The following PARD3B variants were observed in gnomAD, a reference collection of about 807,000 sequenced individuals.
PARD3B encodes par-3 family cell polarity regulator beta.
In PARD3B, 103 loss-of-function variants were observed where a neutral mutation model predicts 130.2. The ratio of observed to expected loss-of-function variants is 0.79; its 90% CI spans 0.67 to 0.93. The LOEUF (loss-of-function observed/expected upper bound fraction) is 0.93. PARD3B is among the 40% of genes least tolerant of loss of function. The pLI is 0.00. For synonymous variants in PARD3B, 583 were observed against 553.2 expected (o/e 1.05, Z -0.76); for missense variants, 1,609 against 1,499.2 (o/e 1.07, Z -1.21).
intron 20 of PARD3B, among the ~76,000 whole-genome samples, chr2:205,466,686 T>C (rs1453022490): frequency 1.3e-5 from 2 of 152,234 alleles, no homozygotes; most frequent in African/African-American, 4.8e-5. Flanking sequence ...TACTTTACCC[T>C]AATATGTGTG....
At chr2:205,106,476 AATGT>A (rs1408164419) in intron 5 of PARD3B, among the ~76,000 whole-genome samples, 8 of 139,214 alleles carry the variant, frequency 5.7e-5, no homozygotes, top group Non-Finnish European at 1.1e-4. Flanking sequence ...TTAGTTAAGA[AATGT>A]ATGTGTGTGT....
intron 15 of PARD3B, among the ~76,000 whole-genome samples, chr2:205,213,259 A>G (rs995152100): frequency 5.9e-5 from 9 of 152,088 alleles, no homozygotes; most frequent in African/African-American, 2.2e-4. Context: ...TAAAGCAGTA[A>G]CTATTGGTTA....
chr2:204,851,170 C>G (rs527870054), intron 2 of PARD3B, among the ~76,000 whole-genome samples: 5 of 152,216 alleles, frequency 3.3e-5, no homozygotes, highest in African/African-American at 1.2e-4. Flanking sequence ...CATTATTTCC[C>G]ATTTATTAAC....
At chr2:205,322,681 G>A (rs186216604) in intron 18 of PARD3B, among the ~76,000 whole-genome samples, 2 of 152,104 alleles carry the variant, frequency 1.3e-5, no homozygotes, top group Non-Finnish European at 2.9e-5. Flanking sequence ...GAGTAGTAAC[G>A]TTCTACAGAA....
In PARD3B at chr2:204,668,982, C is replaced by A. The variant is rs2036155716; in HGVS notation, c.121-17199C>A. Among the ~76,000 whole-genome samples, 6 of 152,216 alleles carry A rather than the reference C, an allele frequency of 3.9e-5. No individual in the cohort carries two copies. The South Asian group carries it at 1.2e-3, about 32-fold the overall frequency. The stretch of plus-strand genomic sequence containing the variant: ...AAGAGCTAAAGAATGTGGGCAACCT[C>A]TTCAGAAGGTAGAAAAAGCAAGTTA... On this transcript the variant is annotated intron_variant, in intron 1 of 22. Coordinates refer to ENST00000406610, the MANE Select transcript of PARD3B (RefSeq NM_001302769.2).
chr2:205,120,561 A>T (rs1575846252), intron 7 of PARD3B, among the ~76,000 whole-genome samples: 1 of 152,152 alleles, frequency 6.6e-6, no homozygotes, highest in Non-Finnish European at 1.5e-5. Context: ...ATTAACATTA[A>T]TTTTTCCTAG....
In PARD3B at chr2:205,121,883, C is replaced by T. The variant is rs752693655; in HGVS notation, c.1099C>T (p.Leu367Phe). 6.2e-6 allele frequency: 10 copies of T among 1,613,884 alleles called. No homozygotes were observed. The highest frequency in any genetic ancestry group is 1.6e-4 in the Middle Eastern group (1 of 6,084). Residue 367 changes from leucine to phenylalanine, a missense_variant, in exon 8 of 23, where the codon CTC (leucine) becomes TTC (phenylalanine). Transcript: ENST00000406610. The surrounding 1 kb of genome is among the most constrained non-coding windows in gnomAD (Gnocchi z 5.0). ...RLGGKPSSPSLSPLMGFGSNK... is the reference protein window; with the variant it reads ...RLGGKPSSPSFSPLMGFGSNK... ...GGGAGGAAAACCATCCTCTCCCTCACTCTCGCCTCTCATGGGATTTGGCAG... is the reference window on the plus strand; with the variant it reads ...GGGAGGAAAACCATCCTCTCCCTCATTCTCGCCTCTCATGGGATTTGGCAG...
chr2:204,790,922 T>C (rs2042178613), intron 2 of PARD3B, among the ~76,000 whole-genome samples: 1 of 151,884 alleles, frequency 6.6e-6, no homozygotes, highest in African/African-American at 2.4e-5. Context: ...CGGGCCAACA[T>C]GGTGAAACCC....
In PARD3B at chr2:204,648,719, A is replaced by AAAGC. The variant is rs1165420618; in HGVS notation, c.121-37462_121-37461insAAGC. Among the ~76,000 whole-genome samples, 22 of 74,978 alleles carry AAAGC rather than the reference A, an allele frequency of 2.9e-4. No individual in the cohort carries two copies. The East Asian group carries it at 6.6e-3, about 23-fold the overall frequency. 49.2% of individuals were successfully genotyped at this position (74,978 alleles called of 152,430 possible). The stretch of plus-strand genomic sequence containing the variant: ...AATATATATCATATAAATAATATAT[A>AAAGC]TTTATAATAGATATCATATAAATAA... On this transcript the variant is annotated intron_variant, in intron 1 of 22. Coordinates refer to ENST00000406610, the MANE Select transcript of PARD3B (RefSeq NM_001302769.2).
In PARD3B at chr2:204,548,381, A is replaced by ATG. The variant is rs554205977; in HGVS notation, c.120+2263_120+2264dup. On this transcript the variant is annotated intron_variant, in intron 1 of 22. Coordinates refer to ENST00000406610, the MANE Select transcript of PARD3B (RefSeq NM_001302769.2). ...GTGCAGGCCCTGTTTTAGGAACTTC[A>ATG]TGCTTATGACTTATTTCTCCCAACA... is the stretch of plus-strand genomic sequence containing the variant. 1.9e-3 allele frequency among the ~76,000 whole-genome samples: 282 copies of ATG among 152,314 alleles called. 2 individuals carry two copies. The highest frequency in any genetic ancestry group is 6.5e-3 in the African/African-American group (269 of 41,580).
chr2:204,878,017 C>T (rs2045907402), intron 2 of PARD3B, among the ~76,000 whole-genome samples: 1 of 152,186 alleles, frequency 6.6e-6, no homozygotes, highest in South Asian at 2.1e-4. Context: ...CTCTGCCCTT[C>T]ATTATCACTA....
At chr2:204,714,059 A>G (rs1426142593) in intron 2 of PARD3B, among the ~76,000 whole-genome samples, 1 of 152,266 alleles carries the variant, frequency 6.6e-6, no homozygotes, top group Non-Finnish European at 1.5e-5. Flanking sequence ...ACCCTTCTGT[A>G]TATCTGTTAA....
At chr2:205,157,842 A>G (rs1416721059) in intron 10 of PARD3B, among the ~76,000 whole-genome samples, 1 of 152,196 alleles carries the variant, frequency 6.6e-6, no homozygotes, top group Non-Finnish European at 1.5e-5. Flanking sequence ...AAAGATGCTC[A>G]TGTGGACAGC....
intron 21 of PARD3B, among the ~76,000 whole-genome samples, chr2:205,516,749 C>CCTTT (rs991568443): frequency 6.6e-6 from 1 of 151,818 alleles, no homozygotes; most frequent in Non-Finnish European, 1.5e-5. Flanking sequence ...ATTTGGATGC[C>CCTTT]CTTTCTTTCT....
intron 1 of PARD3B, among the ~76,000 whole-genome samples, chr2:204,639,195 A>G (rs1468788134): frequency 6.6e-6 from 1 of 152,180 alleles, no homozygotes. Context: ...TTCCAAATAT[A>G]ATCTTATAAT....
chr2:204,762,820 G>A (rs189087730), intron 2 of PARD3B, among the ~76,000 whole-genome samples: 2,569 of 150,102 alleles, frequency 0.017, 88 homozygotes, highest in African/African-American at 0.06. Flanking sequence ...GAGTGCAATG[G>A]CACGATCTCG....
intron 1 of PARD3B, among the ~76,000 whole-genome samples, chr2:204,565,640 T>C (rs1407972423): frequency 6.6e-6 from 1 of 152,232 alleles, no homozygotes; most frequent in Admixed American, 6.5e-5. Context: ...AATTTTTGGA[T>C]TATGATTGAC....
chr2:204,904,420 A>G (rs2046973601), intron 2 of PARD3B, among the ~76,000 whole-genome samples: 1 of 152,110 alleles, frequency 6.6e-6, no homozygotes, highest in African/African-American at 2.4e-5. Flanking sequence ...CCCAGGGGAT[A>G]TTTGTTTTCT....
intron 2 of PARD3B, among the ~76,000 whole-genome samples, chr2:204,944,653 T>TA (rs1689168540): frequency 6.6e-6 from 1 of 152,256 alleles, no homozygotes; most frequent in South Asian, 2.1e-4. Context: ...GTTGATATTT[T>TA]ATAATCAGTT....
Sources: gnomAD v4.1 joint callset for allele counts (sites outside exome capture counted in the v4.1 genomes callset) on GRCh38, gnomAD v4.1.1 for gene constraint, Gnocchi (gnomAD v3.1) non-coding constraint, MANE v1.5 for transcripts, NCBI Gene and HGNC (gene_info 2026-07-23, HGNC 2026-07-21) for gene names.